The following CSMD2 variants were observed in gnomAD, a reference collection of about 807,000 sequenced individuals.
CSMD2 encodes CUB and sushi domain-containing protein 2.
CSMD2 carries 130 observed loss-of-function variants against 398.5 expected under a neutral mutation model. The ratio of observed to expected loss-of-function variants is 0.33; its 90% CI spans 0.28 to 0.38. CSMD2 has a LOEUF of 0.38. CSMD2 is among the 10% of genes least tolerant of loss of function. The pLI is 1.00. For missense variants in CSMD2, 3,829 were observed against 4,764.9 expected (o/e 0.80, Z 5.78); for synonymous variants, 1,828 against 1,908.5 (o/e 0.96, Z 1.10).
At chr1:33,700,010 A>ATTTT (rs5773425) in intron 23 of CSMD2, among the ~76,000 whole-genome samples, 1 of 148,390 alleles carries the variant, frequency 6.7e-6, no homozygotes. Flanking sequence ...ACTTTACTCC[A>ATTTT]TTTTTTTTTT....
chr1:33,891,142 C>A (rs1183561412), intron 5 of CSMD2, among the ~76,000 whole-genome samples: 2 of 151,584 alleles, frequency 1.3e-5, no homozygotes, highest in Admixed American at 1.3e-4. Context: ...ATTTTTGCAA[C>A]CTACTCATCT....
intron 44 of CSMD2, chr1:33,599,325 C>G (rs144107311): frequency 7.2e-5 from 11 of 152,288 alleles, no homozygotes; most frequent in African/African-American, 2.6e-4. Context: ...GGCCTACCAC[C>G]AAGGTAACTT....
intron 43 of CSMD2, among the ~76,000 whole-genome samples, chr1:33,601,824 T>C (rs1179063223): frequency 1.3e-5 from 2 of 152,216 alleles, no homozygotes; most frequent in Non-Finnish European, 2.9e-5. Context: ...ATTATCAAGA[T>C]TAAATAACAT....
At chr1:33,552,357 A>G (rs1657538271) in intron 55 of CSMD2, among the ~76,000 whole-genome samples, 1 of 152,346 alleles carries the variant, frequency 6.6e-6, no homozygotes, top group Middle Eastern at 3.4e-3. Context: ...AGTTCCTCAA[A>G]AAGTTAAATA....
At chr1:33,555,485 A>G (rs555674074) in intron 55 of CSMD2, among the ~76,000 whole-genome samples, 31 of 152,358 alleles carry the variant, frequency 2.0e-4, no homozygotes, top group African/African-American at 7.0e-4. Context: ...ACTGACTGCA[A>G]TTTTGAAAGG....
intron 3 of CSMD2, among the ~76,000 whole-genome samples, chr1:33,962,616 C>T (rs906759703): frequency 1.3e-5 from 2 of 152,204 alleles, no homozygotes; most frequent in Non-Finnish European, 2.9e-5. Flanking sequence ...CTGCAGGGCC[C>T]CAGGTGAGTT....
intron 42 of CSMD2, among the ~76,000 whole-genome samples, chr1:33,604,588 G>A (rs531031804): frequency 6.6e-6 from 1 of 152,318 alleles, no homozygotes; most frequent in Non-Finnish European, 1.5e-5. Flanking sequence ...TACTGCCCTT[G>A]CTAAGGCTTC....
intron 1 of CSMD2, among the ~76,000 whole-genome samples, chr1:34,155,461 G>A (rs1359169211): frequency 1.3e-5 from 2 of 152,186 alleles, no homozygotes; most frequent in African/African-American, 4.8e-5. Flanking sequence ...TCAACTCTCC[G>A]AGACTGAACT....
intron 5 of CSMD2, among the ~76,000 whole-genome samples, chr1:33,849,769 CTATTTACTTA>C (rs1163419892): frequency 2.0e-5 from 3 of 149,462 alleles, no homozygotes; most frequent in African/African-American, 7.4e-5. Context: ...TTTTATTTAC[CTATTTACTTA>C]TATTTTGGAT....
intron 1 of CSMD2, among the ~76,000 whole-genome samples, chr1:34,151,814 T>TC (rs67575054): frequency 0.34 from 29,709 of 86,828 alleles, 4,377 homozygotes; most frequent in East Asian, 0.5. Flanking sequence ...CCTCCCTCCC[T>TC]CCCCCCCCTT....
chr1:33,934,919 G>A (rs566477147), intron 4 of CSMD2, among the ~76,000 whole-genome samples: 81 of 150,278 alleles, frequency 5.4e-4, no homozygotes, highest in Non-Finnish European at 7.2e-4. Context: ...CAGGAGGATC[G>A]CTTGATCCCA....
chr1:33,701,179 C>T (rs1167161960), intron 22 of CSMD2, among the ~76,000 whole-genome samples: 1 of 152,192 alleles, frequency 6.6e-6, no homozygotes, highest in Non-Finnish European at 1.5e-5. Context: ...GAGCACTCTG[C>T]TGGACATCAT....
intron 5 of CSMD2, among the ~76,000 whole-genome samples, chr1:33,896,862 A>T (rs1333106150): frequency 6.6e-6 from 1 of 151,886 alleles, no homozygotes; most frequent in Non-Finnish European, 1.5e-5. Context: ...GGGGGAGAGG[A>T]TTCCAAGCAG....
chr1:33,847,172 A>AGAT (rs1350922153), intron 5 of CSMD2, among the ~76,000 whole-genome samples, 176 bp from the exon 6 acceptor site: 1 of 152,046 alleles, frequency 6.6e-6, no homozygotes, highest in Non-Finnish European at 1.5e-5. Flanking sequence ...GAGCAGCTTG[A>AGAT]GATGGCTCCT....
At chr1:34,091,475 G>A (rs1658554125) in intron 1 of CSMD2, among the ~76,000 whole-genome samples, 1 of 152,138 alleles carries the variant, frequency 6.6e-6, no homozygotes, top group Non-Finnish European at 1.5e-5. Flanking sequence ...ACAAAGGTGG[G>A]ATTCAAACAT....
At chr1:33,540,839 T>C in intron 59 of CSMD2, 141 bp from the exon 60 acceptor site, 1 of 939,446 alleles carries the variant, frequency 1.1e-6, no homozygotes, top group East Asian at 2.6e-5. Flanking sequence ...GCCCTCTTAC[T>C]GTGGGAGTTC....
intron 1 of CSMD2, among the ~76,000 whole-genome samples, chr1:34,100,365 G>A (rs1324462647): frequency 6.6e-6 from 1 of 152,018 alleles, no homozygotes; most frequent in Non-Finnish European, 1.5e-5. Flanking sequence ...GACACATTCT[G>A]GGAGAATTTT....
At chr1:34,165,834 A>T (rs747183692), upstream of CSMD2, 109 of 1,579,878 alleles carry the variant, frequency 6.9e-5, no homozygotes, top group Non-Finnish European at 8.3e-5. Flanking sequence ...CTCCTACCCC[A>T]TCCCAGGAGA....
rs543577419 is a variant in CSMD2, at chr1:33,957,060, G to A, written c.518-21106C>T. 4.0e-5 allele frequency among the ~76,000 whole-genome samples: 6 copies of A among 151,718 alleles called. No individual in the cohort carries two copies. In the East Asian group the frequency reaches 5.8e-4, roughly 15 times the overall value. On this transcript the variant is annotated intron_variant, in intron 3 of 70. Transcript: ENST00000373381. The stretch of plus-strand genomic sequence containing the variant: ...CTTGCATTCACCTATCACCTCCCCC[G>A]AGAGGCCTCCCCTCACCACACAAAT...
Sources: allele counts gnomAD v4.1 joint callset (sites outside exome capture counted in the v4.1 genomes callset), GRCh38; gene constraint gnomAD v4.1.1; transcripts MANE v1.5; gene names NCBI Gene and HGNC (gene_info 2026-07-23, HGNC 2026-07-21).